The following HUWE1 variants were observed in gnomAD, a reference collection of about 807,000 sequenced individuals.
HUWE1 encodes the protein HECT, UBA and WWE domain containing E3 ubiquitin protein ligase 1.
Under a neutral mutation model 299.4 loss-of-function variants are expected in HUWE1, and 18 were observed. The observed-to-expected ratio is 0.06, with a 90% confidence interval of 0.04 to 0.09. The LOEUF (loss-of-function observed/expected upper bound fraction) is 0.09. Among genes scored for constraint, HUWE1 ranks in the 10% least tolerant of loss-of-function variants. HUWE1 has a pLI of 1.00. For synonymous variants in HUWE1, 1,317 were observed against 1,286.1 expected (o/e 1.02, Z -0.51); for missense variants, 1,832 against 3,462.3 (o/e 0.53, Z 11.82).
Position 53,554,485 on chromosome X carries a change from T to A in HUWE1, c.8494+148A>T. Reference sequence around the variant, plus strand: ...ACCAGTTCAGGACCTCAACTTCACTTAAGAAAGTGAATGCGCAAGACGAGA... The same window carrying A: ...ACCAGTTCAGGACCTCAACTTCACTAAAGAAAGTGAATGCGCAAGACGAGA... On this transcript the variant is annotated intron_variant, in intron 61 of 83. Coordinates refer to ENST00000262854, the MANE Select transcript of HUWE1 (RefSeq NM_031407.7). 5.3e-6 allele frequency: 3 copies of A among 566,722 alleles called. No homozygotes were observed. The South Asian group carries it at 8.6e-5, about 16-fold the overall frequency. The allele number at this position is 566,722 out of a possible 1,213,427, so 46.7% of individuals were successfully genotyped here.
intron 4 of HUWE1, among the ~76,000 whole-genome samples, chrX:53,649,753 C>G (rs2068325268): frequency 8.9e-6 from 1 of 112,102 alleles, no homozygotes; most frequent in South Asian, 3.7e-4. Context: ...GGTCCAGCAT[C>G]AAACGTGTTA....
At position 53,544,610 on chromosome X, in the gene HUWE1, C is replaced by T. The variant is rs1253152691; in HGVS notation, c.11201G>A (p.Arg3734Gln). 2 of 1,205,998 alleles carry T rather than the reference C, an allele frequency of 1.7e-6. No homozygotes were observed. The highest frequency in any genetic ancestry group is 4.4e-5 in the Admixed American group (2 of 45,220). ...LRVLQVIIQL[R>Q]DDTRRANKKA... Reference sequence around the variant, plus strand: ...CTTGTTAGCCCGGCGCGTGTCGTCCCGGAGCTGGATGATGACCTGTAGTAC... The same window carrying T: ...CTTGTTAGCCCGGCGCGTGTCGTCCTGGAGCTGGATGATGACCTGTAGTAC... The change falls in exon 72 of 84, where the codon CGG (arginine) becomes CAG (glutamine). Residue 3734 changes from arginine (R) to glutamine (Q), a missense_variant. Arg to Gln is a conservative substitution (Grantham distance 43). Around this residue, in one of 15 missense-constraint regions of HUWE1, gnomAD observed 41 missense variants for 124.0 expected, o/e 0.33. Coordinates refer to ENST00000262854, the MANE Select transcript of HUWE1 (RefSeq NM_031407.7).
At chrX:53,610,193 G>A (rs1169892749) in intron 23 of HUWE1, among the ~76,000 whole-genome samples, 2 of 111,377 alleles carry the variant, frequency 1.8e-5, no homozygotes, top group South Asian at 3.8e-4. Context: ...TGTGGATCCC[G>A]CCCAGAGACA....
intron 3 of HUWE1, among the ~76,000 whole-genome samples, chrX:53,670,855 C>T (rs1411745215): frequency 5.4e-5 from 6 of 111,333 alleles, no homozygotes; most frequent in African/African-American, 2.0e-4. Context: ...TATGTATATA[C>T]GTGTATATAT....
intron 23 of HUWE1, among the ~76,000 whole-genome samples, chrX:53,613,256 GC>G (rs1213137025): frequency 9.0e-6 from 1 of 111,725 alleles, no homozygotes; most frequent in African/African-American, 3.3e-5. Context: ...AGTAGTTAAT[GC>G]CTCTCCTTAA....
chrX:53,566,133 GTATATATATATATATATATA>G (rs71830310), intron 49 of HUWE1, among the ~76,000 whole-genome samples: 5 of 38,971 alleles, frequency 1.3e-4, no homozygotes, highest in South Asian at 1.4e-3. Context: ...GTGTGTGTGT[GTATATATATATATATATATA>G]TATATATATA....
chrX:53,655,449 T>G (rs1339453460), intron 3 of HUWE1, among the ~76,000 whole-genome samples: 1 of 112,119 alleles, frequency 8.9e-6, no homozygotes, highest in African/African-American at 3.2e-5. Context: ...AGACCATTCC[T>G]TAAGAAGAAA....
At chrX:53,676,781 C>T (rs2069842014) in intron 3 of HUWE1, among the ~76,000 whole-genome samples, 1 of 111,955 alleles carries the variant, frequency 8.9e-6, no homozygotes, top group Non-Finnish European at 1.9e-5. Flanking sequence ...CAAATGTTTA[C>T]ATCTATGGAT....
chrX:53,675,933 T>C (rs1557050976), intron 3 of HUWE1, among the ~76,000 whole-genome samples: 1 of 111,182 alleles, frequency 9.0e-6, no homozygotes, highest in Non-Finnish European at 1.9e-5. Context: ...TAATACACAT[T>C]ACAGAACTAG....
chrX:53,557,286 T>A (rs782601799), intron 60 of HUWE1, 96 bp downstream of exon 60: 2 of 714,130 alleles, frequency 2.8e-6, no homozygotes, highest in African/African-American at 4.2e-5. Flanking sequence ...AGCACCAGTG[T>A]CCATCTTCAG....
rs782569961 is a variant in HUWE1 at position 53,561,903 on chromosome X, C to T, written c.7360G>A (p.Gly2454Arg). Residue 2454 changes from glycine to arginine, a missense_variant, in exon 55 of 84, where the codon GGA becomes AGA. By Grantham distance (125) the Gly-to-Arg change is moderately radical. Transcript: ENST00000262854. Reference sequence around the variant, plus strand: ...CCATCGTCGTCATCGTCTTCATCTCCCTCTTCACCTTCATCATCCTCCTTA... The same window carrying T: ...CCATCGTCGTCATCGTCTTCATCTCTCTCTTCACCTTCATCATCCTCCTTA... ...DDQEDDEGEE[G>R]DEDDDDDGSE... 4 of 1,211,276 alleles carry T rather than the reference C, an allele frequency of 3.3e-6. No individual in the cohort carries two copies. The highest frequency in any genetic ancestry group is 4.5e-6 in the Non-Finnish European group (4 of 895,158).
chrX:53,634,449 G>T (rs2067075512), intron 7 of HUWE1, 151 bp from the exon 8 acceptor site: 1 of 482,447 alleles, frequency 2.1e-6, no homozygotes, highest in Non-Finnish European at 3.7e-6. Flanking sequence ...GTGGCTGCTT[G>T]GAACATAATG....
intron 74 of HUWE1, among the ~76,000 whole-genome samples, chrX:53,541,276 G>C (rs782459863): frequency 8.9e-6 from 1 of 112,013 alleles, no homozygotes; most frequent in Non-Finnish European, 1.9e-5. Context: ...GTAAATGGGG[G>C]AGCCAAGATT....
intron 43 of HUWE1, among the ~76,000 whole-genome samples, chrX:53,578,468 G>A (rs1417648949): frequency 5.1e-4 from 48 of 94,291 alleles, no homozygotes; most frequent in Non-Finnish European, 2.5e-4. Flanking sequence ...CAGTCGCCCC[G>A]TCCAGGAGGG....
intron 43 of HUWE1, among the ~76,000 whole-genome samples, chrX:53,578,705 C>T (rs2063372621): frequency 1.3e-5 from 1 of 76,738 alleles, no homozygotes; most frequent in Non-Finnish European, 2.5e-5. Flanking sequence ...GCCTGGCCAG[C>T]CGCCCCGTCC....
At chrX:53,659,948 T>C (rs781931111) in intron 3 of HUWE1, among the ~76,000 whole-genome samples, 19 of 112,723 alleles carry the variant, frequency 1.7e-4, no homozygotes, top group Admixed American at 1.6e-3. Context: ...TTTTACTTTT[T>C]TAATGCAGAT....
At chrX:53,680,715 A>G (rs782236788) in intron 2 of HUWE1, 2 of 112,218 alleles carry the variant, frequency 1.8e-5, no homozygotes, top group Non-Finnish European at 1.9e-5. Flanking sequence ...TTAAACTTTT[A>G]GGTCACACCT....
chrX:53,668,356 C>T (rs1381378925), intron 3 of HUWE1, among the ~76,000 whole-genome samples: 5 of 107,444 alleles, frequency 4.7e-5, no homozygotes, highest in Non-Finnish European at 7.7e-5. Context: ...GCAGAAGAAT[C>T]GCTTGAACTC....
intron 82 of HUWE1, 120 bp from the exon 83 acceptor site, chrX:53,534,317 A>C (rs1185515130): frequency 6.8e-6 from 5 of 732,248 alleles, no homozygotes; most frequent in Non-Finnish European, 8.4e-6. Flanking sequence ...CTTCTGTGGG[A>C]TGAGCTTTAG....
Sources: gnomAD v4.1 joint callset for allele counts (sites outside exome capture counted in the v4.1 genomes callset) on GRCh38, gnomAD v4.1.1 for gene constraint, gnomAD v4.1.1 regional missense constraint, MANE v1.5 for transcripts, NCBI Gene and HGNC (gene_info 2026-07-23, HGNC 2026-07-21) for gene names.